HPF1: variants seen among roughly 807,000 people sequenced by gnomAD.
The protein encoded by HPF1 is UPF0609 protein C4orf27.
HPF1 carries 35 observed loss-of-function variants against 38.8 expected under a neutral mutation model. The observed-to-expected ratio is 0.90, with a 90% CI of 0.69 to 1.19. HPF1 has a LOEUF of 1.19. Ranked by LOEUF, HPF1 falls within the 50% of genes most tolerant of loss-of-function variation. HPF1 has a pLI of 0.00. For missense variants in HPF1, 367 were observed against 405.8 expected (o/e 0.90, Z 0.82); for synonymous variants, 115 against 139.2 (o/e 0.83, Z 1.22).
intron 2 of HPF1, among the ~76,000 whole-genome samples, chr4:169,751,480 T>G (rs1734119214): frequency 6.6e-6 from 1 of 151,788 alleles, no homozygotes; most frequent in South Asian, 2.1e-4. Flanking sequence ...CAGATTCCCC[T>G]GACTCTTTGA....
At chr4:169,750,492 C>G in intron 3 of HPF1, 44 bp downstream of exon 3, 1 of 1,393,694 alleles carries the variant, frequency 7.2e-7, no homozygotes, top group Middle Eastern at 1.8e-4. Context: ...TCCTCATTAG[C>G]AGGACAGCAG....
intron 2 of HPF1, among the ~76,000 whole-genome samples, chr4:169,752,142 T>C (rs370489660): frequency 6.6e-6 from 1 of 150,562 alleles, no homozygotes; most frequent in South Asian, 2.1e-4. Flanking sequence ...ACATCTTTGC[T>C]AATAAATGTT....
At chr4:169,737,615 A>T (rs1285480298) in intron 6 of HPF1, 45 bp downstream of exon 6, 1 of 1,190,902 alleles carries the variant, frequency 8.4e-7, no homozygotes, top group East Asian at 2.3e-5. Flanking sequence ...ACCTTTATTC[A>T]TGTGCATTAA....
At chr4:169,730,016 T>A in intron 7 of HPF1, among the ~76,000 whole-genome samples, 1 of 152,244 alleles carries the variant, frequency 6.6e-6, no homozygotes, top group East Asian at 1.9e-4. Flanking sequence ...ATACTTTTTA[T>A]TCTCTCCAGT....
At chr4:169,731,642 A>G in intron 7 of HPF1, 62 bp downstream of exon 7, 3 of 1,272,530 alleles carry the variant, frequency 2.4e-6, no homozygotes, top group Non-Finnish European at 3.2e-6. Flanking sequence ...GTGTGGATGT[A>G]TGTCGCGGGG....
At chr4:169,743,656 G>T (rs1448429892) in intron 4 of HPF1, among the ~76,000 whole-genome samples, 1 of 151,994 alleles carries the variant, frequency 6.6e-6, no homozygotes, top group Non-Finnish European at 1.5e-5. Flanking sequence ...GTCATAAACA[G>T]GTTAAGATTT....
intron 4 of HPF1, among the ~76,000 whole-genome samples, chr4:169,747,529 T>G (rs529994789): frequency 2.0e-5 from 3 of 152,248 alleles, no homozygotes; most frequent in African/African-American, 7.2e-5. Flanking sequence ...GAAAAGATAA[T>G]CTACTTGTAT....
chr4:169,743,210 A>G (rs1407094025), intron 4 of HPF1, among the ~76,000 whole-genome samples: 1 of 151,920 alleles, frequency 6.6e-6, no homozygotes, highest in African/African-American at 2.4e-5. Context: ...CCCAGGTTCA[A>G]ATGATTCTCC....
At chr4:169,738,687 GA>G (rs775763049) in intron 5 of HPF1, among the ~76,000 whole-genome samples, 1 of 151,988 alleles carries the variant, frequency 6.6e-6, no homozygotes, top group Non-Finnish European at 1.5e-5. Flanking sequence ...TACCACTTGG[GA>G]AAAAAATGAA....
rs562457779 is a variant in HPF1 at position 169,743,934 on chromosome 4, A to G, written c.498-1827T>C. On this transcript the variant is annotated intron_variant, in intron 4 of 7. Coordinates refer to ENST00000393381, the MANE Select transcript of HPF1 (RefSeq NM_017867.3). Reference sequence around the variant, plus strand: ...TTACCCAAGTTGAGAGAGCTAATAGATTAAACCCGTAGAGTTACCAGTAGA... The same window carrying G: ...TTACCCAAGTTGAGAGAGCTAATAGGTTAAACCCGTAGAGTTACCAGTAGA... Among the ~76,000 whole-genome samples, 7 of 152,174 alleles carry G rather than the reference A, an allele frequency of 4.6e-5. No homozygotes were observed. The East Asian group carries it at 1.4e-3, about 29-fold the overall frequency.
At chr4:169,731,565 G>A in intron 7 of HPF1, 139 bp downstream of exon 7, 1 of 580,262 alleles carries the variant, frequency 1.7e-6, no homozygotes, top group East Asian at 3.3e-5. Context: ...ACTTCATTTT[G>A]AAATACAAGC....
chr4:169,752,739 G>C (rs1355262388), intron 2 of HPF1, among the ~76,000 whole-genome samples: 4 of 152,184 alleles, frequency 2.6e-5, no homozygotes, highest in African/African-American at 9.6e-5. Flanking sequence ...AGGCATTTAA[G>C]CCATTTCCCA....
intron 6 of HPF1, among the ~76,000 whole-genome samples, chr4:169,736,243 C>T (rs979378626): frequency 1.3e-5 from 2 of 151,366 alleles, no homozygotes; most frequent in African/African-American, 4.9e-5. Flanking sequence ...AAAAACAAAA[C>T]CCACCAATTA....
At chr4:169,734,453 T>C (rs1471473801) in intron 6 of HPF1, among the ~76,000 whole-genome samples, 1 of 152,134 alleles carries the variant, frequency 6.6e-6, no homozygotes, top group East Asian at 1.9e-4. Flanking sequence ...ACATATGGAC[T>C]AAAAAGAATA....
intron 1 of HPF1, among the ~76,000 whole-genome samples, chr4:169,755,261 T>C (rs1384568946): frequency 1.3e-5 from 2 of 152,142 alleles, no homozygotes; most frequent in Non-Finnish European, 2.9e-5. Context: ...CAATAGACTA[T>C]TACACTTAAT....
intron 7 of HPF1, among the ~76,000 whole-genome samples, chr4:169,730,664 C>T (rs1469456467): frequency 6.6e-6 from 1 of 152,200 alleles, no homozygotes; most frequent in Non-Finnish European, 1.5e-5. Flanking sequence ...GACAAGCCTT[C>T]CCATTGACGC....
chr4:169,749,049 G>T (rs1272525351), intron 3 of HPF1, among the ~76,000 whole-genome samples: 1 of 151,412 alleles, frequency 6.6e-6, no homozygotes, highest in African/African-American at 2.4e-5. Flanking sequence ...ATAAAAGATG[G>T]CATTCACATT....
chr4:169,744,443 G>A (rs1190215850), intron 4 of HPF1, among the ~76,000 whole-genome samples: 2 of 152,180 alleles, frequency 1.3e-5, no homozygotes, highest in African/African-American at 4.8e-5. Flanking sequence ...AAGATAAGGT[G>A]CGATGTGCAA....
intron 1 of HPF1, among the ~76,000 whole-genome samples, chr4:169,756,644 ATGT>A (rs748301804): frequency 1.3e-5 from 2 of 152,172 alleles, no homozygotes; most frequent in Non-Finnish European, 2.9e-5. Context: ...GTTACAAGGA[ATGT>A]TATTATATGT....
Sources: allele counts gnomAD v4.1 joint callset (sites outside exome capture counted in the v4.1 genomes callset), GRCh38; gene constraint gnomAD v4.1.1; transcripts MANE v1.5; gene names NCBI Gene and HGNC (gene_info 2026-07-23, HGNC 2026-07-21).